WDPCP: variants seen among roughly 807,000 people sequenced by gnomAD.
WDPCP encodes the protein WD repeat-containing and planar cell polarity effector protein fritz homolog.
WDPCP carries 71 observed loss-of-function variants against 93.1 expected under a neutral mutation model. That is an observed-to-expected ratio of 0.76 (90% CI 0.63 to 0.93). The LOEUF (loss-of-function observed/expected upper bound fraction) is 0.93. WDPCP is among the 40% of genes least tolerant of loss of function. WDPCP has a pLI of 0.00. For missense variants in WDPCP, 844 were observed against 887.4 expected (o/e 0.95, Z 0.62); for synonymous variants, 315 against 315.0 (o/e 1.00, Z 0.00).
chr2:63,354,574 G>T (rs903315999), intron 12 of WDPCP, among the ~76,000 whole-genome samples: 2 of 152,116 alleles, frequency 1.3e-5, no homozygotes, highest in African/African-American at 4.8e-5. Flanking sequence ...AAGTCTAAGT[G>T]CCACCAGCTG....
intron 1 of WDPCP, among the ~76,000 whole-genome samples, chr2:63,572,956 G>C (rs1279024612): frequency 6.6e-6 from 1 of 151,736 alleles, no homozygotes; most frequent in African/African-American, 2.4e-5. Flanking sequence ...CTCTTCAAAA[G>C]TATTCATTGG....
At chr2:63,207,590 G>A (rs142509671) in intron 14 of WDPCP, among the ~76,000 whole-genome samples, 125 of 152,150 alleles carry the variant, frequency 8.2e-4, no homozygotes, top group Non-Finnish European at 1.5e-3. Context: ...TCTGTATTGC[G>A]TTCTGGCATA....
chr2:63,131,998 C>A (rs1281647122), intron 17 of WDPCP, among the ~76,000 whole-genome samples: 2 of 151,778 alleles, frequency 1.3e-5, no homozygotes, highest in African/African-American at 4.8e-5. Context: ...CCATGCCTGG[C>A]TAATATTTTG....
rs1213913350 is a variant in WDPCP at position 63,484,619 on chromosome 2, G to A, written c.369C>T (p.Asn123=). 1 of 1,612,866 alleles carries A rather than the reference G, an allele frequency of 6.2e-7. No individual in the cohort carries two copies. Among genetic ancestry groups the A allele is most frequent in the East Asian group, 2.2e-5 (1 of 44,864 alleles). The change falls in exon 6 of 18, where the codon AAC becomes AAT. Residue 123 remains asparagine (N), a synonymous_variant. Coordinates refer to ENST00000272321, the MANE Select transcript of WDPCP (RefSeq NM_015910.7). ...NSRCVLSKWK[N]KYVCQLLFGS... ...ATCATTTTACCTGACAGACATATTT[G>A]TTCTTCCATTTGCTCAGCACACACC...
At chr2:63,629,815 A>G (rs1709845890) in intron 3 of WDPCP, among the ~76,000 whole-genome samples, 1 of 152,248 alleles carries the variant, frequency 6.6e-6, no homozygotes, top group South Asian at 2.1e-4. Context: ...GCACTGTCAG[A>G]GAAAGCCATG....
intron 12 of WDPCP, among the ~76,000 whole-genome samples, chr2:63,325,596 T>C (rs1325747486): frequency 6.6e-6 from 1 of 152,222 alleles, no homozygotes; most frequent in East Asian, 1.9e-4. Flanking sequence ...CGAGAAATCC[T>C]GGGACAGCCT....
chr2:63,302,037 G>A (rs981095003), intron 13 of WDPCP, among the ~76,000 whole-genome samples: 6 of 152,210 alleles, frequency 3.9e-5, no homozygotes, highest in African/African-American at 1.4e-4. Context: ...AATTAGAGAA[G>A]CAACTTCGAA....
intron 14 of WDPCP, among the ~76,000 whole-genome samples, chr2:63,215,520 A>G (rs1219665982): frequency 1.3e-5 from 2 of 152,238 alleles, no homozygotes; most frequent in East Asian, 3.8e-4. Context: ...AGAAAGCTGA[A>G]ACTGGATCCC....
At chr2:63,507,653 T>C (rs1226210738) in intron 1 of WDPCP, among the ~76,000 whole-genome samples, 1 of 152,020 alleles carries the variant, frequency 6.6e-6, no homozygotes, top group Non-Finnish European at 1.5e-5. Context: ...AAGGGGCATG[T>C]TCTAACACAA....
intron 2 of WDPCP, among the ~76,000 whole-genome samples, chr2:63,784,754 A>G (rs1670443634): frequency 6.6e-6 from 1 of 152,196 alleles, no homozygotes; most frequent in African/African-American, 2.4e-5. Context: ...TAAATTTAAA[A>G]TCACAACCCA....
chr2:63,319,991 G>T (rs1673672746), intron 12 of WDPCP, among the ~76,000 whole-genome samples: 1 of 151,942 alleles, frequency 6.6e-6, no homozygotes, highest in Non-Finnish European at 1.5e-5. Flanking sequence ...AATCATAATA[G>T]AAATTTTAAA....
intron 3 of WDPCP, chr2:63,622,584 T>C (rs1709756529): frequency 2.5e-6 from 4 of 1,613,720 alleles, no homozygotes; most frequent in Non-Finnish European, 3.4e-6. Context: ...CACAATAGAG[T>C]CCTCCAGGAT....
chr2:63,186,026 C>A (rs1674613373), intron 14 of WDPCP, among the ~76,000 whole-genome samples: 1 of 152,190 alleles, frequency 6.6e-6, no homozygotes, highest in African/African-American at 2.4e-5. Flanking sequence ...AACACTGCTG[C>A]TGCACCAGGT....
At chr2:63,368,145 G>T (rs79523050) in intron 12 of WDPCP, among the ~76,000 whole-genome samples, 1 of 152,138 alleles carries the variant, frequency 6.6e-6, no homozygotes, top group African/African-American at 2.4e-5. Flanking sequence ...TGTGGGGAAG[G>T]AAAAGGAAAG....
intron 10 of WDPCP, among the ~76,000 whole-genome samples, chr2:63,391,872 A>G (rs1049376528): frequency 6.6e-6 from 1 of 152,216 alleles, no homozygotes; most frequent in Non-Finnish European, 1.5e-5. Context: ...ACCACTGCTC[A>G]AGGAAATAAA....
chr2:63,527,616 T>C (rs1428602058), intron 1 of WDPCP, among the ~76,000 whole-genome samples: 1 of 152,028 alleles, frequency 6.6e-6, no homozygotes, highest in Non-Finnish European at 1.5e-5. Context: ...ATCCAGTCTA[T>C]CATTGATGGA....
At chr2:63,355,983 A>G (rs1305928687) in intron 12 of WDPCP, among the ~76,000 whole-genome samples, 1 of 152,200 alleles carries the variant, frequency 6.6e-6, no homozygotes, top group Non-Finnish European at 1.5e-5. Context: ...ACAATGTGGC[A>G]AGCTGGATAA....
chr2:63,604,388 G>A (rs1709487663), intron 3 of WDPCP, among the ~76,000 whole-genome samples: 1 of 152,128 alleles, frequency 6.6e-6, no homozygotes, highest in Non-Finnish European at 1.5e-5. Context: ...ATAAATAATA[G>A]TAACGATTAA....
Position 63,135,463 on chromosome 2 carries a change from C to T in WDPCP, c.2191-13407G>A, listed in dbSNP as rs1670552573. Among the ~76,000 whole-genome samples the T allele has an allele frequency of 3.9e-5, 6 of 152,208 alleles. No individual in the cohort carries two copies. The South Asian group carries it at 1.2e-3, about 32-fold the overall frequency. ...TCTCCTGCCTCAGCCTTCCGAGGAG[C>T]TGGGATTACAGGCATGCGTCACCAC... On this transcript the variant is annotated intron_variant, in intron 17 of 17. Coordinates refer to ENST00000272321, the MANE Select transcript of WDPCP (RefSeq NM_015910.7).
Sources: allele counts gnomAD v4.1 joint callset (sites outside exome capture counted in the v4.1 genomes callset), GRCh38; gene constraint gnomAD v4.1.1; transcripts MANE v1.5; gene names NCBI Gene and HGNC (gene_info 2026-07-23, HGNC 2026-07-21).